The following KLRD1 variants were observed in gnomAD, a reference collection of about 807,000 sequenced individuals.
KLRD1 encodes the protein killer cell lectin like receptor D1, also known as natural killer cells antigen CD94.
Under a neutral mutation model 22.6 loss-of-function variants are expected in KLRD1, and 21 were observed. The ratio of observed to expected loss-of-function variants is 0.93; its 90% CI spans 0.66 to 1.34. The LOEUF (loss-of-function observed/expected upper bound fraction) is 1.34, where lower values mean the gene tolerates loss of function less well. Ranked by LOEUF, KLRD1 falls within the 40% of genes most tolerant of loss-of-function variation. The pLI is 0.00. For synonymous variants in KLRD1, 59 were observed against 71.1 expected (o/e 0.83, Z 0.85); for missense variants, 183 against 208.6 (o/e 0.88, Z 0.76).
chr12:10,257,134 CTTTTCTTT>C lies in KLRD1; in HGVS notation c.-101+30906_-101+30913del, dbSNP rs1308621772. 1.4e-3 allele frequency among the ~76,000 whole-genome samples: 42 copies of C among 30,916 alleles called. No individual in the cohort carries two copies. The Admixed American group carries it at 0.02, about 15-fold the overall frequency. 20.3% of individuals were successfully genotyped at this position (30,916 alleles called of 152,430 possible). A position where few individuals can be genotyped will look rare whatever the true frequency, so the allele number is the denominator to read the frequency against. The stretch of plus-strand genomic sequence containing the variant: ...CTTGTTTTGTTTTGTTTTTTCTTTT[CTTTTCTTT>C]TTTTTTTTTTTTTTTTAAGATTTGC... On this transcript the variant is annotated intron_variant, in intron 1 of 5. Coordinates refer to the KLRD1 transcript ENST00000544747.
intron 1 of KLRD1, among the ~76,000 whole-genome samples, chr12:10,279,344 T>C (rs7138193): frequency 0.99 from 151,542 of 152,308 alleles, 75,395 homozygotes; most frequent in Middle Eastern, 1. Context: ...TATGTGGCTG[T>C]GTCATATGCA....
intron 4 of KLRD1, 50 bp downstream of exon 4, chr12:10,311,665 A>G (rs778443406): frequency 8.9e-5 from 140 of 1,572,126 alleles, no homozygotes; most frequent in Non-Finnish European, 1.1e-4. Context: ...AGAAAAATAT[A>G]CTATCTAAAC....
intron 1 of KLRD1, among the ~76,000 whole-genome samples, chr12:10,264,452 T>A (rs1256490945): frequency 6.6e-6 from 1 of 152,184 alleles, no homozygotes; most frequent in Non-Finnish European, 1.5e-5. Flanking sequence ...ATTATCAAAG[T>A]AGTATGTCCA....
Position 10,314,757 on chromosome 12 carries a change from T to C in KLRD1, c.504T>C (p.Asp168=), listed in dbSNP as rs757645310. Residue 168 remains aspartate, a synonymous_variant, in exon 6 of 6, where the codon GAT becomes GAC. Transcript: ENST00000336164. ...NGNALDESCE[D]KNRYICKQQL... ...ATGCTTTAGATGAATCCTGTGAAGA[T>C]AAAAATCGTTATATCTGTAAGCAAC... 21 of 1,606,476 alleles carry C rather than the reference T, an allele frequency of 1.3e-5. No homozygotes were observed. In the Admixed American group the frequency reaches 3.4e-4, roughly 26 times the overall value.
intron 1 of KLRD1, chr12:10,308,899 A>T (rs566353809): frequency 6.4e-6 from 1 of 155,070 alleles, no homozygotes; most frequent in Non-Finnish European, 1.4e-5. Context: ...ACACACTTTC[A>T]TGTGATTTCT....
chr12:10,317,702 C>T lies in KLRD1; in HGVS notation c.*2909C>T, dbSNP rs1294267026. ...CCTCAATGCCACCGGCCCAGGTAGC[C>T]GTTGCTCACCCACAACATTAGTGTA... On this transcript the variant is annotated 3_prime_UTR_variant, in exon 6 of 6. Coordinates refer to ENST00000336164, the MANE Select transcript of KLRD1 (RefSeq NM_002262.5). The T allele has an allele frequency of 1.3e-5, 2 of 152,200 alleles. No individual in the cohort carries two copies. The highest frequency in any genetic ancestry group is 2.9e-5 in the Non-Finnish European group (2 of 68,040). The allele number at this position is 152,200 out of a possible 1,614,324, so 9.4% of individuals were successfully genotyped here. A position where few individuals can be genotyped will look rare whatever the true frequency, so the allele number is the denominator to read the frequency against.
At position 10,244,336 on chromosome 12, in the gene KLRD1, C is replaced by T. The variant is rs57401526; in HGVS notation, c.-101+18103C>T. ...GAACAGTCATCAAATCAGTCGCTACCCACCAGGCTCAAGGACTCACAAACT... is the reference window on the plus strand; with the variant it reads ...GAACAGTCATCAAATCAGTCGCTACTCACCAGGCTCAAGGACTCACAAACT... On this transcript the variant is annotated intron_variant, in intron 1 of 5. Transcript: ENST00000544747. Among the ~76,000 whole-genome samples, 598 of 152,198 alleles carry T rather than the reference C, an allele frequency of 3.9e-3. 19 individuals carry two copies. The East Asian group carries it at 0.068, about 17-fold the overall frequency.
rs1950377216 is a variant in KLRD1 at position 10,328,104 on chromosome 12, A to G, written c.*13311A>G. The stretch of plus-strand genomic sequence containing the variant: ...ATTTTTGCATCTACGTTTACTAGAC[A>G]TATTGGCTTATAGTTTTCTTGTGGT... On this transcript the variant is annotated 3_prime_UTR_variant, in exon 6 of 6. Transcript: ENST00000336164. 6.6e-6 allele frequency: 1 copy of G among 152,186 alleles called. No homozygotes were observed. Among genetic ancestry groups the G allele is most frequent in the Non-Finnish European group, 1.5e-5 (1 of 68,024 alleles). The allele number at this position is 152,186 out of a possible 1,614,324, so 9.4% of individuals were successfully genotyped here.
At chr12:10,273,612 C>T (rs943777810) in intron 1 of KLRD1, among the ~76,000 whole-genome samples, 1 of 152,136 alleles carries the variant, frequency 6.6e-6, no homozygotes. Context: ...AACTTCATAA[C>T]AAAAGCATAT....
chr12:10,298,543 C>T (rs1011398173), intron 1 of KLRD1, among the ~76,000 whole-genome samples: 3 of 152,228 alleles, frequency 2.0e-5, no homozygotes, highest in African/African-American at 7.2e-5. Flanking sequence ...AACAAAATAT[C>T]TGCAGCACTG....
chr12:10,257,866 C>T (rs1457338909), intron 1 of KLRD1, among the ~76,000 whole-genome samples: 1 of 151,834 alleles, frequency 6.6e-6, no homozygotes, highest in Non-Finnish European at 1.5e-5. Context: ...TGGCTCTTTG[C>T]CAAGGCAATT....
At chr12:10,308,512 A>G (rs750501598) in intron 1 of KLRD1, 10 of 185,046 alleles carry the variant, frequency 5.4e-5, no homozygotes, top group Non-Finnish European at 1.1e-4. Flanking sequence ...TGTTAATGAC[A>G]TCACTCTTTG....
intron 4 of KLRD1, among the ~76,000 whole-genome samples, chr12:10,312,115 C>G (rs1950090932): frequency 7.2e-6 from 1 of 138,688 alleles, no homozygotes; most frequent in South Asian, 2.3e-4. Context: ...TGCACTGGTG[C>G]AATTTCAGCT....
At position 10,317,563 on chromosome 12, in the gene KLRD1, A is replaced by C. The variant is rs1224124844; in HGVS notation, c.*2770A>C. 2.6e-5 allele frequency: 4 copies of C among 152,230 alleles called. No individual in the cohort carries two copies. Among genetic ancestry groups the C allele is most frequent in the African/African-American group, 9.6e-5 (4 of 41,468 alleles). 9.4% of individuals were successfully genotyped at this position (152,230 alleles called of 1,614,324 possible). ...CCTAAGCAAGCCTTTGTTTCTTTGC[A>C]GTCAGCTTTTCTTCTGCTGATGCTG... On this transcript the variant is annotated 3_prime_UTR_variant, in exon 6 of 6. Transcript: ENST00000336164.
chr12:10,303,963 A>C (rs7299590), upstream of KLRD1, among the ~76,000 whole-genome samples: 2,475 of 152,250 alleles, frequency 0.016, 61 homozygotes, highest in African/African-American at 0.056. Context: ...ATAAGATGAA[A>C]GGCAAGGAGT....
chr12:10,257,139 C>CTTTTTTTTT (rs55950006), intron 1 of KLRD1, among the ~76,000 whole-genome samples: 5 of 130,282 alleles, frequency 3.8e-5, no homozygotes, highest in African/African-American at 1.3e-4. Flanking sequence ...CTTTTCTTTT[C>CTTTTTTTTT]TTTTTTTTTT....
At chr12:10,293,060 G>T (rs1459214286) in intron 1 of KLRD1, among the ~76,000 whole-genome samples, 1 of 144,430 alleles carries the variant, frequency 6.9e-6, no homozygotes. Context: ...ACCTCTCACA[G>T]CCTTCATAGA....
At chr12:10,252,464 A>G (rs1037134048) in intron 1 of KLRD1, among the ~76,000 whole-genome samples, 2 of 152,124 alleles carry the variant, frequency 1.3e-5, no homozygotes, top group East Asian at 1.9e-4. Context: ...TGATTGCGCT[A>G]CTGTACTCCA....
At chr12:10,251,052 C>G (rs983754779) in intron 1 of KLRD1, among the ~76,000 whole-genome samples, 3 of 152,120 alleles carry the variant, frequency 2.0e-5, no homozygotes, top group African/African-American at 7.2e-5. Flanking sequence ...TGTTGCCTCA[C>G]TAGCATTAAC....
Sources: allele counts gnomAD v4.1 joint callset (sites outside exome capture counted in the v4.1 genomes callset), GRCh38; gene constraint gnomAD v4.1.1; transcripts MANE v1.5; gene names NCBI Gene and HGNC (gene_info 2026-07-23, HGNC 2026-07-21).